Variants in DENND2A observed in about 807,000 individuals in gnomAD.
DENND2A encodes DENN domain-containing protein 2A.
DENND2A carries 53 observed loss-of-function variants against 105.3 expected under a neutral mutation model. The observed-to-expected ratio is 0.50, with a 90% CI of 0.40 to 0.63. The LOEUF (loss-of-function observed/expected upper bound fraction) is 0.63. Among genes scored for constraint, DENND2A ranks in the 30% least tolerant of loss-of-function variants. The pLI is 0.00. For missense variants in DENND2A, 1,138 were observed against 1,279.6 expected (o/e 0.89, Z 1.69); for synonymous variants, 522 against 508.4 (o/e 1.03, Z -0.36).
intron 14 of DENND2A, among the ~76,000 whole-genome samples, chr7:140,533,158 A>G (rs1796327382): frequency 6.6e-6 from 1 of 151,892 alleles, no homozygotes; most frequent in Non-Finnish European, 1.5e-5. Context: ...TGCCTGGCTA[A>G]TTTTTTGTAT....
intron 14 of DENND2A, 104 bp downstream of exon 14, chr7:140,544,514 A>G (rs1411858108): frequency 6.8e-7 from 1 of 1,474,092 alleles, no homozygotes; most frequent in Admixed American, 1.9e-5. Flanking sequence ...CTTATCTCAG[A>G]AGGGCTTACT....
chr7:140,598,838 G>A (rs1457892939), intron 3 of DENND2A, among the ~76,000 whole-genome samples: 4 of 151,966 alleles, frequency 2.6e-5, no homozygotes, highest in Non-Finnish European at 5.9e-5. Context: ...AAAAATACAG[G>A]CAGAAACACT....
intron 15 of DENND2A, 75 bp from the exon 16 acceptor site, chr7:140,525,867 C>A (rs1585550397): frequency 7.6e-7 from 1 of 1,308,262 alleles, no homozygotes; most frequent in East Asian, 2.7e-5. Flanking sequence ...AGCCTTCTTC[C>A]TTCTTGGCAT....
chr7:140,580,688 G>A (rs1046851977), intron 5 of DENND2A, among the ~76,000 whole-genome samples: 3 of 152,016 alleles, frequency 2.0e-5, no homozygotes, highest in African/African-American at 7.2e-5. Flanking sequence ...CCAGGCTGGA[G>A]TGTAGTGGTG....
At chr7:140,580,322 C>T (rs1336940840) in intron 5 of DENND2A, among the ~76,000 whole-genome samples, 1 of 152,000 alleles carries the variant, frequency 6.6e-6, no homozygotes, top group Non-Finnish European at 1.5e-5. Context: ...TGCATGTATG[C>T]ATGTATGTAT....
chr7:140,621,410 G>A (rs1312603104), intron 1 of DENND2A, among the ~76,000 whole-genome samples: 1 of 147,952 alleles, frequency 6.8e-6, no homozygotes, highest in African/African-American at 2.4e-5. Context: ...GTAAATAGTT[G>A]TTATACTGTG....
chr7:140,614,910 T>A (rs1488303958), intron 1 of DENND2A, among the ~76,000 whole-genome samples: 4 of 152,118 alleles, frequency 2.6e-5, no homozygotes, highest in African/African-American at 9.7e-5. Flanking sequence ...CAGGATGGAG[T>A]GCAGTGGTGC....
chr7:140,539,589 G>A (rs1172318028), intron 14 of DENND2A, among the ~76,000 whole-genome samples: 1 of 152,162 alleles, frequency 6.6e-6, no homozygotes, highest in African/African-American at 2.4e-5. Flanking sequence ...TCCAAAGCCC[G>A]GCAGCTCTCC....
chr7:140,561,960 G>T (rs1464245247), intron 9 of DENND2A, among the ~76,000 whole-genome samples: 1 of 151,498 alleles, frequency 6.6e-6, no homozygotes, highest in African/African-American at 2.4e-5. Flanking sequence ...TGCAATCTCG[G>T]CTCACTGCAA....
At chr7:140,634,330 A>G (rs111752385) in intron 1 of DENND2A, among the ~76,000 whole-genome samples, 4,087 of 152,224 alleles carry the variant, frequency 0.027, 80 homozygotes, top group Non-Finnish European at 0.04. Context: ...TACTTAATGA[A>G]TCTATTTGTG....
At chr7:140,620,632 G>A (rs1800254806) in intron 1 of DENND2A, among the ~76,000 whole-genome samples, 1 of 152,230 alleles carries the variant, frequency 6.6e-6, no homozygotes. Context: ...CTGCCCTGCG[G>A]TGCCCAGCAA....
At chr7:140,571,684 T>C (rs1798101984) in intron 6 of DENND2A, among the ~76,000 whole-genome samples, 2 of 152,094 alleles carry the variant, frequency 1.3e-5, no homozygotes, top group Admixed American at 1.3e-4. Context: ...CAAAATGTGG[T>C]ATATACATAC....
At chr7:140,547,176 C>G (rs547615645) in intron 12 of DENND2A, among the ~76,000 whole-genome samples, 1 of 152,326 alleles carries the variant, frequency 6.6e-6, no homozygotes, top group East Asian at 1.9e-4. Flanking sequence ...GGAGTGAAGT[C>G]CACTTCCTTG....
chr7:140,621,162 G>C lies in DENND2A; in HGVS notation c.-247-15356C>G, dbSNP rs187747682. ...TCCCACCTCAGCCTCCTGAGTAGCTGGGACTACACGTGTGAGCCACTAGGC... is the reference window on the plus strand; with the variant it reads ...TCCCACCTCAGCCTCCTGAGTAGCTCGGACTACACGTGTGAGCCACTAGGC... On this transcript the variant is annotated intron_variant, in intron 1 of 19. Coordinates refer to ENST00000496613, the MANE Select transcript of DENND2A (RefSeq NM_015689.5). Among the ~76,000 whole-genome samples, 99 of 152,148 alleles carry C rather than the reference G, an allele frequency of 6.5e-4. 1 individual carries two copies. Among genetic ancestry groups the C allele is most frequent in the Non-Finnish European group, 1.1e-3 (74 of 67,996 alleles).
intron 14 of DENND2A, among the ~76,000 whole-genome samples, chr7:140,539,783 C>T (rs1563125807): frequency 6.6e-6 from 1 of 152,242 alleles, no homozygotes; most frequent in Non-Finnish European, 1.5e-5. Context: ...TTTGCTCACG[C>T]GTTGTTTACC....
Position 140,559,624 on chromosome 7 carries a change from A to G in DENND2A, c.1889+84T>C. 1.1e-6 allele frequency: 1 copy of G among 946,988 alleles called. No individual in the cohort carries two copies. Among genetic ancestry groups the G allele is most frequent in the Non-Finnish European group, 1.7e-6 (1 of 597,706 alleles). The allele number at this position is 946,988 out of a possible 1,614,324, so 58.7% of individuals were successfully genotyped here. On this transcript the variant is annotated intron_variant, in intron 10 of 19. Transcript: ENST00000496613. This position sits in a 1 kb window ranked among gnomAD's most constrained non-coding sequence, Gnocchi z 4.1. The stretch of plus-strand genomic sequence containing the variant: ...TCAGGATTACTTAACGGTGGGAATG[A>G]CTCATGTGGTCTGCCACCTGTAACC...
chr7:140,612,867 C>T (rs1425550880), intron 1 of DENND2A, among the ~76,000 whole-genome samples: 1 of 151,916 alleles, frequency 6.6e-6, no homozygotes, highest in Non-Finnish European at 1.5e-5. Flanking sequence ...GTAATCCCAG[C>T]ACTTTGGGAG....
chr7:140,524,401 T>C (rs1415277005), intron 16 of DENND2A, among the ~76,000 whole-genome samples: 2 of 152,174 alleles, frequency 1.3e-5, no homozygotes, highest in African/African-American at 2.4e-5. Context: ...TATAAAAATA[T>C]ATGAATGTAC....
At position 140,527,572 on chromosome 7, in the gene DENND2A, C is replaced by G. The variant is rs1042113220; in HGVS notation, c.2328-77G>C. 7.0e-7 allele frequency: 1 copy of G among 1,423,850 alleles called. No individual in the cohort carries two copies. Among genetic ancestry groups the G allele is most frequent in the Admixed American group, 2.4e-5 (1 of 41,862 alleles). The allele number at this position is 1,423,850 out of a possible 1,614,324, so 88.2% of individuals were successfully genotyped here. A position where few individuals can be genotyped will look rare whatever the true frequency, so the allele number is the denominator to read the frequency against. ...GAAGCCTCCAGGGGAGAAGGCTCCT[C>G]CCAGAGACAGGATGACTAGGAAAGG... On this transcript the variant is annotated intron_variant, in intron 14 of 19. Coordinates refer to ENST00000496613, the MANE Select transcript of DENND2A (RefSeq NM_015689.5). This position sits in a 1 kb window ranked among gnomAD's most constrained non-coding sequence, Gnocchi z 4.9.
Sources: allele counts gnomAD v4.1 joint callset (sites outside exome capture counted in the v4.1 genomes callset), GRCh38; gene constraint gnomAD v4.1.1; non-coding constraint Gnocchi (gnomAD v3.1); transcripts MANE v1.5; gene names NCBI Gene and HGNC (gene_info 2026-07-23, HGNC 2026-07-21).